Variants in RNF32 observed in about 807,000 individuals in gnomAD.
RNF32 encodes the protein ring finger protein 32.
RNF32 carries 36 observed loss-of-function variants against 41.0 expected under a neutral mutation model. The ratio of observed to expected loss-of-function variants is 0.88; its 90% CI spans 0.67 to 1.16. The LOEUF (loss-of-function observed/expected upper bound fraction) is 1.16. Ranked by LOEUF, RNF32 falls within the 50% of genes most tolerant of loss-of-function variation. RNF32 has a pLI of 0.00. For synonymous variants in RNF32, 154 were observed against 160.9 expected (o/e 0.96, Z 0.32); for missense variants, 413 against 436.7 (o/e 0.95, Z 0.48).
At chr7:156,646,775 G>A (rs1230356848) in intron 3 of RNF32, among the ~76,000 whole-genome samples, 1 of 152,228 alleles carries the variant, frequency 6.6e-6, no homozygotes, top group Non-Finnish European at 1.5e-5. Flanking sequence ...ATAGGTACCA[G>A]AGGTCTTTTG....
In RNF32 at chr7:156,669,357, AAG is replaced by A. The variant is rs1275977138; in HGVS notation, c.685-6334_685-6333del. The A allele has an allele frequency of 2.6e-5, 4 of 152,242 alleles. No homozygotes were observed. The highest frequency in any genetic ancestry group is 1.9e-4 in the East Asian group (1 of 5,198). 9.4% of individuals were successfully genotyped at this position (152,242 alleles called of 1,614,324 possible). On this transcript the variant is annotated intron_variant, in intron 7 of 8. Transcript: ENST00000317955. This position sits in a 1 kb window ranked among gnomAD's most constrained non-coding sequence, Gnocchi z 4.2. ...AATAAGTGCCAGGAAGAAAAATGCAAAGAGAGGAAGGGGAGAGAGAGTGAAGT... is the reference window on the plus strand; with the variant it reads ...AATAAGTGCCAGGAAGAAAAATGCAAAGAGGAAGGGGAGAGAGAGTGAAGT...
chr7:156,665,720 C>T (rs533380188), intron 7 of RNF32, among the ~76,000 whole-genome samples: 1 of 152,306 alleles, frequency 6.6e-6, no homozygotes, highest in Admixed American at 6.5e-5. Context: ...CCAGCCATCT[C>T]GATTCTGCAC....
intron 7 of RNF32, among the ~76,000 whole-genome samples, chr7:156,662,363 G>A (rs1800775319): frequency 6.6e-6 from 1 of 152,198 alleles, no homozygotes; most frequent in Non-Finnish European, 1.5e-5. Flanking sequence ...AAAGGTTACT[G>A]AACTAGGTTA....
chr7:156,644,966 A>G (rs941974071), intron 3 of RNF32, among the ~76,000 whole-genome samples: 2 of 152,232 alleles, frequency 1.3e-5, no homozygotes, highest in African/African-American at 2.4e-5. Context: ...TAAGTAGAAT[A>G]AGTAAAAATG....
chr7:156,670,742 T>G lies in RNF32; in HGVS notation c.685-4954T>G, dbSNP rs939586675. 6.6e-6 allele frequency among the ~76,000 whole-genome samples: 1 copy of G among 152,174 alleles called. No individual in the cohort carries two copies. Among genetic ancestry groups the G allele is most frequent in the Admixed American group, 6.5e-5 (1 of 15,278 alleles). ...CTAACCGCCAGTCTAGACTCCCATG[T>G]GAACCAAATGAAAGTTACATTCAAG... On this transcript the variant is annotated intron_variant, in intron 7 of 8. Transcript: ENST00000317955. The surrounding 1 kb of genome is among the most constrained non-coding windows in gnomAD (Gnocchi z 4.3).
chr7:156,658,497 A>G lies in RNF32; in HGVS notation c.611A>G (p.Lys204Arg), dbSNP rs1435529974. Residue 204 changes from lysine to arginine, a missense_variant, in exon 7 of 9, where the codon AAG becomes AGG. Transcript: ENST00000317955. Reference sequence around the variant, plus strand: ...TACTGGAGAGGATGTGTTGTTAGAAAGTGGTACAGAAACCTGAGGAAAACA... The same window carrying G: ...TACTGGAGAGGATGTGTTGTTAGAAGGTGGTACAGAAACCTGAGGAAAACA... ...QAYWRGCVVR[K>R]WYRNLRKTVP... 3.1e-6 allele frequency: 5 copies of G among 1,613,768 alleles called. No homozygotes were observed. The Admixed American group carries it at 5.0e-5, about 16-fold the overall frequency.
upstream of RNF32, chr7:156,640,319 G>A (rs1051158066): frequency 2.2e-6 from 1 of 451,038 alleles, no homozygotes. Flanking sequence ...GGAAACAACC[G>A]GGGCCCAGGC....
Position 156,675,757 on chromosome 7 carries a change from C to A in RNF32, c.746C>A (p.Ala249Glu), listed in dbSNP as rs1803797959. The change falls in exon 8 of 9, where the codon GCA becomes GAA. Residue 249 changes from alanine to glutamate, a missense_variant. Coordinates refer to ENST00000317955, the MANE Select transcript of RNF32 (RefSeq NM_030936.4). ...SYNTNIEELF[A>E]EIDQCLAINR... ...AACACCAACATTGAAGAGCTCTTTGCAGAAATCGATCAGTGCTTGGCCATA... is the reference window on the plus strand; with the variant it reads ...AACACCAACATTGAAGAGCTCTTTGAAGAAATCGATCAGTGCTTGGCCATA... The A allele has an allele frequency of 6.2e-7, 1 of 1,613,888 alleles. No individual in the cohort carries two copies. Among genetic ancestry groups the A allele is most frequent in the Non-Finnish European group, 8.5e-7 (1 of 1,179,968 alleles).
chr7:156,649,887 T>C (rs886562420), intron 3 of RNF32, among the ~76,000 whole-genome samples: 13 of 152,266 alleles, frequency 8.5e-5, no homozygotes, highest in African/African-American at 3.1e-4. Flanking sequence ...CTGGTTTTAT[T>C]ATCAAAGCCA....
At chr7:156,662,185 T>C (rs1800757439) in intron 7 of RNF32, among the ~76,000 whole-genome samples, 1 of 152,238 alleles carries the variant, frequency 6.6e-6, no homozygotes, top group South Asian at 2.1e-4. Flanking sequence ...ACTCAACAGC[T>C]GTCCTTTATA....
chr7:156,658,403 A>T, intron 6 of RNF32, 59 bp from the exon 7 acceptor site: 1 of 1,519,092 alleles, frequency 6.6e-7, no homozygotes, highest in Non-Finnish European at 9.1e-7. Flanking sequence ...ACAACTACTG[A>T]AGTATTGGTT....
Position 156,669,421 on chromosome 7 carries a change from G to A in RNF32, c.685-6275G>A, listed in dbSNP as rs1192308648. On this transcript the variant is annotated intron_variant, in intron 7 of 8. Transcript: ENST00000317955. The surrounding 1 kb of genome is among the most constrained non-coding windows in gnomAD (Gnocchi z 4.2). ...TGTTTGAAATAAGGTGGAAATGTCT[G>A]AGGAGATGCACCCTGAACCCAAATG... 1.3e-5 allele frequency: 2 copies of A among 152,316 alleles called. No individual in the cohort carries two copies. The highest frequency in any genetic ancestry group is 6.5e-5 in the Admixed American group (1 of 15,292). The allele number at this position is 152,316 out of a possible 1,614,324, so 9.4% of individuals were successfully genotyped here.
At position 156,644,718 on chromosome 7, in the gene RNF32, G is replaced by A. The variant is rs1214398414; in HGVS notation, c.235G>A (p.Glu79Lys). Residue 79 changes from glutamate (E) to lysine (K), a missense_variant, in exon 3 of 9, where the codon GAA (glutamate) becomes AAA (lysine). Transcript: ENST00000317955. ...CCCCAAACTAGAAGACTCAGAAAAAGAATATGTTCTTGATCCCAAACCGCC... is the reference window on the plus strand; with the variant it reads ...CCCCAAACTAGAAGACTCAGAAAAAAAATATGTTCTTGATCCCAAACCGCC... ...QCPKLEDSEK[E>K]YVLDPKPPPL... 1 of 1,611,586 alleles carries A rather than the reference G, an allele frequency of 6.2e-7. No individual in the cohort carries two copies. The highest frequency in any genetic ancestry group is 1.1e-5 in the South Asian group (1 of 90,208).
intron 4 of RNF32, among the ~76,000 whole-genome samples, chr7:156,655,239 G>GCACACA (rs57235616): frequency 6.4e-4 from 95 of 148,608 alleles, no homozygotes; most frequent in South Asian, 1.7e-3. Flanking sequence ...ACACGCGCGC[G>GCACACA]CACACACACA....
rs141949759 is a variant in RNF32 at position 156,646,030 on chromosome 7, G to A, written c.274+1273G>A. Among the ~76,000 whole-genome samples the A allele has an allele frequency of 2.7e-3, 418 of 152,250 alleles. 2 individuals are homozygous for A. The highest frequency in any genetic ancestry group is 8.9e-3 in the African/African-American group (368 of 41,544). On this transcript the variant is annotated intron_variant, in intron 3 of 8. Coordinates refer to ENST00000317955, the MANE Select transcript of RNF32 (RefSeq NM_030936.4). ...CTGATTGAAATTCTTTATGATAGGT[G>A]GGATGCATATAGCATGCAACTTCAC... is the stretch of plus-strand genomic sequence containing the variant.
At chr7:156,666,007 G>A (rs1371259022) in intron 7 of RNF32, among the ~76,000 whole-genome samples, 1 of 152,162 alleles carries the variant, frequency 6.6e-6, no homozygotes, top group Admixed American at 6.5e-5. Flanking sequence ...TTCTTGGCTG[G>A]CAGATAGGTG....
At chr7:156,672,996 C>T (rs1020587589) in intron 7 of RNF32, among the ~76,000 whole-genome samples, 5 of 152,216 alleles carry the variant, frequency 3.3e-5, no homozygotes, top group African/African-American at 7.2e-5. Context: ...TCGGCAGGCC[C>T]GGGGCAAAGC....
At chr7:156,660,540 G>A (rs1415193688) in intron 7 of RNF32, among the ~76,000 whole-genome samples, 1 of 152,092 alleles carries the variant, frequency 6.6e-6, no homozygotes, top group Admixed American at 6.5e-5. Flanking sequence ...TTAGAGACAG[G>A]GTTTCGTTAT....
At chr7:156,648,855 T>C (rs1798320678) in intron 3 of RNF32, among the ~76,000 whole-genome samples, 1 of 152,082 alleles carries the variant, frequency 6.6e-6, no homozygotes, top group African/African-American at 2.4e-5. Context: ...GTTAAATCCA[T>C]TGTTTTGTTT....
Sources: allele counts gnomAD v4.1 joint callset (sites outside exome capture counted in the v4.1 genomes callset), GRCh38; gene constraint gnomAD v4.1.1; non-coding constraint Gnocchi (gnomAD v3.1); transcripts MANE v1.5; gene names NCBI Gene and HGNC (gene_info 2026-07-23, HGNC 2026-07-21).